The following SPATA13 variants were observed in gnomAD, a reference collection of about 807,000 sequenced individuals.
SPATA13 encodes spermatogenesis-associated protein 13.
Under a neutral mutation model 104.0 loss-of-function variants are expected in SPATA13, and 50 were observed. The ratio of observed to expected loss-of-function variants is 0.48; its 90% CI spans 0.38 to 0.61. The LOEUF (loss-of-function observed/expected upper bound fraction) is 0.61, where lower values mean the gene tolerates loss of function less well. Ranked by LOEUF, SPATA13 falls within the 20% of genes least tolerant of loss-of-function variation. The pLI, the probability that SPATA13 is intolerant of heterozygous loss-of-function variation, is 0.00. For synonymous variants in SPATA13, 606 were observed against 667.5 expected (o/e 0.91, Z 1.42); for missense variants, 1,524 against 1,690.6 (o/e 0.90, Z 1.73).
chr13:24,222,891 C>T lies in SPATA13; in HGVS notation c.-39C>T, dbSNP rs1468349360. ...GGACGGCATTCCTGGAGATGAAGGC[C>T]TGGAGCTGCGGTCTGCGGACTCGGC... On this transcript the variant is annotated 5_prime_UTR_variant, in exon 2 of 13. Coordinates refer to ENST00000382108, the MANE Select transcript of SPATA13 (RefSeq NM_001166271.3). 35 of 1,548,750 alleles carry T rather than the reference C, an allele frequency of 2.3e-5. No individual in the cohort carries two copies. Among genetic ancestry groups the T allele is most frequent in the Non-Finnish European group, 3.0e-5 (34 of 1,145,424 alleles).
intron 3 of SPATA13, among the ~76,000 whole-genome samples, chr13:24,032,332 T>C (rs1877514835): frequency 6.6e-6 from 1 of 152,208 alleles, no homozygotes; most frequent in Non-Finnish European, 1.5e-5. Context: ...CAGTGGTCCC[T>C]ATACCCATTG....
intron 3 of SPATA13, among the ~76,000 whole-genome samples, chr13:24,024,935 TATATATATAA>T (rs575478697): frequency 0.013 from 421 of 32,896 alleles, 1 homozygote; most frequent in African/African-American, 0.04. Flanking sequence ...TTCAAATTCA[TATATATATAA>T]ATATATATAT....
chr13:24,212,315 G>A (rs547111511), intron 1 of SPATA13, among the ~76,000 whole-genome samples: 2 of 149,698 alleles, frequency 1.3e-5, no homozygotes, highest in African/African-American at 4.9e-5. Context: ...AAAAAAAAAG[G>A]TCGAGGGAAA....
At chr13:24,163,395 C>T (rs1882591492) in intron 1 of SPATA13, among the ~76,000 whole-genome samples, 1 of 152,108 alleles carries the variant, frequency 6.6e-6, no homozygotes, top group South Asian at 2.1e-4. Context: ...GAACGAGAGA[C>T]TCTGTCTCTA....
intron 2 of SPATA13, among the ~76,000 whole-genome samples, chr13:24,003,749 C>T (rs889998482): frequency 7.2e-5 from 11 of 152,254 alleles, no homozygotes; most frequent in South Asian, 2.1e-4. Flanking sequence ...TTTGTCTTTA[C>T]GTTATACATC....
At chr13:24,082,390 G>A (rs1428728941) in intron 3 of SPATA13, among the ~76,000 whole-genome samples, 1 of 152,224 alleles carries the variant, frequency 6.6e-6, no homozygotes, top group African/African-American at 2.4e-5. Context: ...TAGCTGTGAT[G>A]TCTGTGGCGG....
intron 3 of SPATA13, among the ~76,000 whole-genome samples, chr13:24,084,175 G>T (rs372237944): frequency 6.6e-6 from 1 of 152,190 alleles, no homozygotes; most frequent in African/African-American, 2.4e-5. Flanking sequence ...AGCAACAAGC[G>T]AGACGAGAGA....
At chr13:24,250,240 T>G (rs1251278441) in intron 3 of SPATA13, among the ~76,000 whole-genome samples, 1 of 152,122 alleles carries the variant, frequency 6.6e-6, no homozygotes, top group South Asian at 2.1e-4. Flanking sequence ...AAATAAAATG[T>G]AAAGAAGAAA....
At chr13:24,282,003 C>T (rs1484578117) in intron 4 of SPATA13, among the ~76,000 whole-genome samples, 1 of 152,144 alleles carries the variant, frequency 6.6e-6, no homozygotes, top group Admixed American at 6.5e-5. Flanking sequence ...GTGTTGATTA[C>T]CCCCATTATT....
chr13:24,082,806 G>A lies in SPATA13; in HGVS notation c.-112+65105G>A, dbSNP rs954277480. 1.6e-3 allele frequency among the ~76,000 whole-genome samples: 174 copies of A among 112,128 alleles called. 1 individual carries two copies. The highest frequency in any genetic ancestry group is 4.7e-3 in the Admixed American group (35 of 7,496). 73.6% of individuals were successfully genotyped at this position (112,128 alleles called of 152,430 possible). A position where few individuals can be genotyped will look rare whatever the true frequency, so the allele number is the denominator to read the frequency against. ...CTGCAGTCCGCAGTCCGGCCTGGGC[G>A]ACAGAGCGAGACTCCGTCTCAAAAA... On this transcript the variant is annotated intron_variant, in intron 3 of 14. Coordinates refer to the SPATA13 transcript ENST00000424834.
chr13:24,175,000 ATTAC>A, intron 1 of SPATA13, among the ~76,000 whole-genome samples: 1 of 152,180 alleles, frequency 6.6e-6, no homozygotes, highest in Non-Finnish European at 1.5e-5. Context: ...GTTTAATTCC[ATTAC>A]GGTTAGAGAA....
chr13:24,149,957 A>G (rs1362837314), intron 3 of SPATA13, among the ~76,000 whole-genome samples: 1 of 151,452 alleles, frequency 6.6e-6, no homozygotes, highest in Non-Finnish European at 1.5e-5. Context: ...GGAGGGAGAG[A>G]GCTGCTGTGC....
intron 1 of SPATA13, among the ~76,000 whole-genome samples, chr13:24,202,158 T>C (rs143282324): frequency 1.3e-3 from 202 of 152,320 alleles, no homozygotes; most frequent in African/African-American, 4.5e-3. Flanking sequence ...TTGATACATC[T>C]AAGTTTATCC....
At position 24,224,052 on chromosome 13, in the gene SPATA13, C is replaced by A. The variant is rs1233829548; in HGVS notation, c.1123C>A (p.Arg375=). Reference sequence around the variant, plus strand: ...CAGGAGCACTGAGCAGGACAGCAGGCGGGGCGGGGCGGTCATGCATGGGAC... The same window carrying A: ...CAGGAGCACTGAGCAGGACAGCAGGAGGGGCGGGGCGGTCATGCATGGGAC... ...VSRSTEQDSR[R]GGAVMHGTTA... is the part of the protein sequence containing the mutation. Residue 375 remains arginine, a synonymous_variant, in exon 2 of 13, where the codon CGG becomes AGG. Coordinates refer to ENST00000382108, the MANE Select transcript of SPATA13 (RefSeq NM_001166271.3). 1 of 1,547,450 alleles carries A rather than the reference C, an allele frequency of 6.5e-7. No homozygotes were observed. Among genetic ancestry groups the A allele is most frequent in the Non-Finnish European group, 8.7e-7 (1 of 1,144,570 alleles).
Position 24,289,158 on chromosome 13 carries a change from G to A in SPATA13, c.2827G>A (p.Gly943Arg). 6.2e-7 allele frequency: 1 copy of A among 1,609,516 alleles called. No individual in the cohort carries two copies. The highest frequency in any genetic ancestry group is 8.5e-7 in the Non-Finnish European group (1 of 1,179,024). ...NKEEPHLSEI[G>R]SCFLQNQEGF... ...AGAGGAACCTCACTTAAGTGAAATA[G>A]GATCTTGCTTTCTTCAAAATGTGCG... Residue 943 changes from glycine to arginine, a missense_variant, in exon 8 of 13, where the codon GGA (glycine) becomes AGA (arginine). By Grantham distance (125) the Gly-to-Arg change is moderately radical. Coordinates refer to ENST00000382108, the MANE Select transcript of SPATA13 (RefSeq NM_001166271.3).
In SPATA13 at chr13:24,194,898, G is replaced by A. The variant is rs533830287; in HGVS notation, c.-111-27921G>A. On this transcript the variant is annotated intron_variant, in intron 1 of 12. Transcript: ENST00000382108. ...GGAGTAAAATAGTGAATCTTGTAAG[G>A]ATGAATTATGACTAAATTCATGGGA... Among the ~76,000 whole-genome samples the A allele has an allele frequency of 1.2e-3, 188 of 152,300 alleles. 10 individuals are homozygous for A. The South Asian group carries it at 0.039, about 31-fold the overall frequency.
At chr13:24,108,562 T>C (rs1434416716) in intron 3 of SPATA13, among the ~76,000 whole-genome samples, 1 of 152,196 alleles carries the variant, frequency 6.6e-6, no homozygotes. Context: ...ACACTCACCC[T>C]TGCAGCCAGG....
chr13:24,103,484 CAA>C (rs34983901), intron 3 of SPATA13, among the ~76,000 whole-genome samples: 4 of 69,856 alleles, frequency 5.7e-5, no homozygotes, highest in Non-Finnish European at 7.4e-5. Context: ...GACCCTGTCT[CAA>C]AAAAAAAAAA....
chr13:24,168,163 C>T (rs909884921), intron 1 of SPATA13, among the ~76,000 whole-genome samples: 4 of 152,076 alleles, frequency 2.6e-5, no homozygotes, highest in African/African-American at 4.8e-5. Context: ...TAAAATATCC[C>T]GACAAGTTAT....
Sources: allele counts gnomAD v4.1 joint callset (sites outside exome capture counted in the v4.1 genomes callset), GRCh38; gene constraint gnomAD v4.1.1; transcripts MANE v1.5; gene names NCBI Gene and HGNC (gene_info 2026-07-23, HGNC 2026-07-21).